FAM13B: variants seen among roughly 807,000 people sequenced by gnomAD.
FAM13B encodes the protein protein FAM13B.
In FAM13B, 60 loss-of-function variants were observed where a neutral mutation model predicts 117.3. That is an observed-to-expected ratio of 0.51 (90% CI 0.42 to 0.63). FAM13B has a LOEUF of 0.63. Among genes scored for constraint, FAM13B ranks in the 30% least tolerant of loss-of-function variants. The pLI is 0.00. For missense variants in FAM13B, 972 were observed against 1,091.9 expected (o/e 0.89, Z 1.55); for synonymous variants, 332 against 356.1 (o/e 0.93, Z 0.76).
At position 137,959,775 on chromosome 5, in the gene FAM13B, A is replaced by G; in HGVS notation, c.1294-12T>C. On this transcript the variant is annotated splice_polypyrimidine_tract_variant and intron_variant, in intron 12 of 23. Transcript: ENST00000689681. ...TTGCTACTAGAATCCTGTATTTTAAAATAAAGAATATATTTCACAACTACG... is the reference window on the plus strand; with the variant it reads ...TTGCTACTAGAATCCTGTATTTTAAGATAAAGAATATATTTCACAACTACG... 2 of 1,612,198 alleles carry G rather than the reference A, an allele frequency of 1.2e-6. No homozygotes were observed. The highest frequency in any genetic ancestry group is 1.7e-4 in the Middle Eastern group (1 of 6,004).
intron 7 of FAM13B, among the ~76,000 whole-genome samples, chr5:137,992,014 G>A (rs1778716855): frequency 6.6e-6 from 1 of 151,950 alleles, no homozygotes; most frequent in Non-Finnish European, 1.5e-5. Context: ...CTCCACGTCC[G>A]TCTCAAGGGA....
chr5:138,048,009 T>A (rs1791691422), intron 1 of FAM13B, among the ~76,000 whole-genome samples: 1 of 152,120 alleles, frequency 6.6e-6, no homozygotes, highest in Non-Finnish European at 1.5e-5. Flanking sequence ...CAAAAGATAG[T>A]ACAGAGAGTT....
intron 1 of FAM13B, among the ~76,000 whole-genome samples, chr5:138,025,662 A>C (rs1788174498): frequency 6.6e-6 from 1 of 151,930 alleles, no homozygotes; most frequent in African/African-American, 2.4e-5. Flanking sequence ...TTTTCCCCCC[A>C]TGGGCTGAAA....
chr5:138,045,135 G>A (rs540126743), intron 1 of FAM13B, among the ~76,000 whole-genome samples: 37 of 152,222 alleles, frequency 2.4e-4, no homozygotes, highest in African/African-American at 7.9e-4. Flanking sequence ...CAGAATATAG[G>A]TATAAAAATG....
chr5:137,953,273 A>G (rs1158309624), intron 16 of FAM13B, 63 bp downstream of exon 16: 2 of 1,568,760 alleles, frequency 1.3e-6, no homozygotes, highest in East Asian at 2.2e-5. Context: ...AATGCTTTTG[A>G]AAAACTATCC....
intron 7 of FAM13B, among the ~76,000 whole-genome samples, chr5:137,994,514 G>T (rs1336098448): frequency 6.6e-6 from 1 of 152,180 alleles, no homozygotes; most frequent in Non-Finnish European, 1.5e-5. Flanking sequence ...TTATGCATCT[G>T]CAGCTAAAAT....
rs1207052979 is a variant in FAM13B, at chr5:138,016,005, CT to C, written c.370+2296del. Among the ~76,000 whole-genome samples the C allele has an allele frequency of 2.6e-5, 4 of 151,870 alleles. No homozygotes were observed. In the South Asian group the frequency reaches 8.3e-4, roughly 32 times the overall value. On this transcript the variant is annotated intron_variant, in intron 4 of 23. Coordinates refer to ENST00000689681, the MANE Select transcript of FAM13B (RefSeq NM_001385994.1). Reference sequence around the variant, plus strand: ...CACTTATTGACCATAAGCATTTTTGCTTTTTTTTGCACATCTCTTTTGCAAA... The same window carrying C: ...CACTTATTGACCATAAGCATTTTTGCTTTTTTTGCACATCTCTTTTGCAAA...
chr5:137,995,428 A>G (rs1779618750), intron 7 of FAM13B, among the ~76,000 whole-genome samples: 1 of 152,244 alleles, frequency 6.6e-6, no homozygotes, highest in Admixed American at 6.5e-5. Flanking sequence ...TATAAATATG[A>G]AATTACTAAA....
rs780708991 is a variant in FAM13B at position 137,954,306 on chromosome 5, A to G, written c.1578T>C (p.Ala526=). The change falls in exon 15 of 24, where the codon GCT becomes GCC. Residue 526 remains alanine (A), a synonymous_variant. Coordinates refer to ENST00000689681, the MANE Select transcript of FAM13B (RefSeq NM_001385994.1). The stretch of plus-strand genomic sequence containing the variant: ...CCAAGGGGTGATGATTCATTCTTCC[A>G]GCTTGTGGAGACAGCTGAGCTTCTC... ...ESGEAQLSPQ[A]GRMNHHPLEE... The G allele has an allele frequency of 1.2e-6, 2 of 1,614,092 alleles. No individual in the cohort carries two copies. Among genetic ancestry groups the G allele is most frequent in the South Asian group, 1.1e-5 (1 of 91,076 alleles).
chr5:137,971,493 T>C (rs368362896), intron 10 of FAM13B, among the ~76,000 whole-genome samples: 14 of 145,974 alleles, frequency 9.6e-5, no homozygotes, highest in Non-Finnish European at 7.6e-5. Context: ...GCACTAAATG[T>C]CCACAAGAGA....
At chr5:137,942,477 C>T (rs543334816) in intron 22 of FAM13B, 51 of 208,462 alleles carry the variant, frequency 2.4e-4, no homozygotes, top group African/African-American at 1.2e-3. Flanking sequence ...CCTCTTGCCT[C>T]AGCCTCCCAA....
upstream of FAM13B, chr5:138,036,373 C>A (rs1348223900): frequency 6.6e-6 from 3 of 456,514 alleles, no homozygotes; most frequent in African/African-American, 6.0e-5. Context: ...CTTGCCCGAA[C>A]AAACTTGGGA....
intron 7 of FAM13B, among the ~76,000 whole-genome samples, chr5:138,000,648 C>T (rs1394336895): frequency 1.3e-5 from 2 of 151,982 alleles, no homozygotes; most frequent in Admixed American, 6.6e-5. Context: ...GCACCCAGGC[C>T]GGGAGAGGTG....
intron 17 of FAM13B, among the ~76,000 whole-genome samples, chr5:137,950,999 G>A (rs1764797205): frequency 6.6e-6 from 1 of 152,012 alleles, no homozygotes; most frequent in Non-Finnish European, 1.5e-5. Flanking sequence ...TTGAGCCCAG[G>A]AGTTTTGAGA....
chr5:138,029,621 G>A (rs886768344), intron 1 of FAM13B, among the ~76,000 whole-genome samples: 10 of 151,960 alleles, frequency 6.6e-5, no homozygotes, highest in African/African-American at 1.9e-4. Context: ...TAAATCCAAC[G>A]TGACCAGTGT....
rs1413293747 is a variant in FAM13B at position 137,960,103 on chromosome 5, C to G, written c.1293+63G>C. On this transcript the variant is annotated intron_variant, in intron 12 of 23. Coordinates refer to ENST00000689681, the MANE Select transcript of FAM13B (RefSeq NM_001385994.1). Reference sequence around the variant, plus strand: ...AAACCTAGCTAACCCACATTAAAGACCAGACATAACAGTTTAAACCTAGGC... The same window carrying G: ...AAACCTAGCTAACCCACATTAAAGAGCAGACATAACAGTTTAAACCTAGGC... 3.1e-6 allele frequency: 3 copies of G among 974,210 alleles called. No homozygotes were observed. In the Admixed American group the frequency reaches 7.0e-5, roughly 23 times the overall value. The allele number at this position is 974,210 out of a possible 1,614,324, so 60.3% of individuals were successfully genotyped here.
Position 137,939,987 on chromosome 5 carries a change from T to C in FAM13B, c.*238A>G. Reference sequence around the variant, plus strand: ...TAGTACAAAACAATGAAGTAAACCATATGTTTGCTAAAGGTGGAGAGGACA... The same window carrying C: ...TAGTACAAAACAATGAAGTAAACCACATGTTTGCTAAAGGTGGAGAGGACA... On this transcript the variant is annotated 3_prime_UTR_variant, in exon 24 of 24. Coordinates refer to ENST00000689681, the MANE Select transcript of FAM13B (RefSeq NM_001385994.1). The C allele has an allele frequency of 6.4e-7, 1 of 1,569,194 alleles. No homozygotes were observed. The highest frequency in any genetic ancestry group is 8.6e-7 in the Non-Finnish European group (1 of 1,158,306).
intron 1 of FAM13B, among the ~76,000 whole-genome samples, chr5:138,045,583 C>A (rs1017988981): frequency 1.3e-5 from 2 of 151,940 alleles, no homozygotes; most frequent in Non-Finnish European, 1.5e-5. Flanking sequence ...TACAGGTAAC[C>A]GCATTGTTGA....
At chr5:137,970,640 G>T (rs550936390) in intron 10 of FAM13B, among the ~76,000 whole-genome samples, 7 of 152,080 alleles carry the variant, frequency 4.6e-5, no homozygotes, top group Non-Finnish European at 1.0e-4. Context: ...TGGGCTAAAT[G>T]CTCCAATTAA....
Sources: allele counts gnomAD v4.1 joint callset (sites outside exome capture counted in the v4.1 genomes callset), GRCh38; gene constraint gnomAD v4.1.1; transcripts MANE v1.5; gene names NCBI Gene and HGNC (gene_info 2026-07-23, HGNC 2026-07-21).